Variants in ARHGEF15 observed in about 807,000 individuals in gnomAD.
ARHGEF15 encodes Rho guanine nucleotide exchange factor (GEF) 15.
ARHGEF15 carries 58 observed loss-of-function variants against 79.7 expected under a neutral mutation model. The observed-to-expected ratio is 0.73, with a 90% CI of 0.59 to 0.91. The LOEUF (loss-of-function observed/expected upper bound fraction) is 0.91. ARHGEF15 is among the 40% of genes least tolerant of loss of function. ARHGEF15 has a pLI of 0.00. For missense variants in ARHGEF15, 1,012 were observed against 1,108.1 expected, an observed-to-expected ratio of 0.91 and a Z score of 1.23; for synonymous variants, 442 against 456.0, an observed-to-expected ratio of 0.97 and a Z score of 0.39.
At chr17:8,310,479 G>C (rs1289710156) in intron 1 of ARHGEF15, 136 bp downstream of exon 1, 1 of 152,180 alleles carries the variant, frequency 6.6e-6, no homozygotes, top group Admixed American at 6.6e-5. Context: ...GGTGAGACTC[G>C]CCGTGGAGGG....
chr17:8,312,935 C>T lies in ARHGEF15; in HGVS notation c.615C>T (p.Ala205=), dbSNP rs748809451. The stretch of plus-strand genomic sequence containing the variant: ...TGTCTCCCACAGATGCTGGCCTGGC[C>T]TGCCCTCCCTGCTGCCCCTGTGTCT... ...QENGAPDAGL[A]CPPCCPCVCH... is the part of the protein sequence containing the mutation. Residue 205 remains alanine, a synonymous_variant, in exon 3 of 16, where the codon GCC becomes GCT. Transcript: ENST00000361926. 1 of 1,577,938 alleles carries T rather than the reference C, an allele frequency of 6.3e-7. No homozygotes were observed. The highest frequency in any genetic ancestry group is 1.2e-5 in the South Asian group (1 of 84,244).
At position 8,319,606 on chromosome 17, in the gene ARHGEF15, G is replaced by A. The variant is rs970612446; in HGVS notation, c.2374+3G>A. Reference sequence around the variant, plus strand: ...ACACCTGCACAAGACCCCTGAAGGTGAGAAAGTCTTTCATTTATTTATTTT... The same window carrying A: ...ACACCTGCACAAGACCCCTGAAGGTAAGAAAGTCTTTCATTTATTTATTTT... On this transcript the variant is annotated splice_donor_region_variant and intron_variant, in intron 15 of 15. Coordinates refer to ENST00000361926, the MANE Select transcript of ARHGEF15 (RefSeq NM_173728.4). 24 of 1,551,088 alleles carry A rather than the reference G, an allele frequency of 1.5e-5. No individual in the cohort carries two copies. Among genetic ancestry groups the A allele is most frequent in the East Asian group, 2.3e-5 (1 of 43,674 alleles).
At position 8,319,541 on chromosome 17, in the gene ARHGEF15, A is replaced by G; in HGVS notation, c.2312A>G (p.Lys771Arg). Residue 771 changes from lysine to arginine, a missense_variant, in exon 15 of 16, where the codon AAG becomes AGG. By Grantham distance (26) the Lys-to-Arg change is conservative. Around this residue, in one of 3 missense-constraint regions of ARHGEF15, gnomAD observed 132 missense variants for 124.2 expected, o/e 1.06. Transcript: ENST00000361926. ...TGTTCAGAGTCGTCTGCACCTGCCA[A>G]GACTGAAGGACGGAGTCTGGAGTCC... The part of the protein sequence containing the change: ...ELCSESSAPA[K>R]TEGRSLESRA... 6.2e-7 allele frequency: 1 copy of G among 1,611,730 alleles called. No individual in the cohort carries two copies. Among genetic ancestry groups the G allele is most frequent in the Non-Finnish European group, 8.5e-7 (1 of 1,179,188 alleles).
rs200425815 is a variant in ARHGEF15 at position 8,320,906 on chromosome 17, C to G, written c.2439C>G (p.His813Gln). ...AQLVCEVTGE[H>Q]ERRRHLRQNQ... ...TGGTGTGTGAAGTCACAGGGGAACA[C>G]GAAAGGAGGAGGCACCTTCGCCAGA... The change falls in exon 16 of 16, where the codon CAC (histidine) becomes CAG (glutamine). Residue 813 changes from histidine (H) to glutamine (Q), a missense_variant. By Grantham distance (24) the His-to-Gln change is conservative. Around this residue, in one of 3 missense-constraint regions of ARHGEF15, gnomAD observed 132 missense variants for 124.2 expected, o/e 1.06. Coordinates refer to ENST00000361926, the MANE Select transcript of ARHGEF15 (RefSeq NM_173728.4). The G allele has an allele frequency of 2.2e-4, 348 of 1,613,834 alleles. 1 individual carries two copies. Among genetic ancestry groups the G allele is most frequent in the Non-Finnish European group, 2.6e-4 (310 of 1,180,026 alleles).
At chr17:8,313,308 A>G (rs1338250998) in intron 3 of ARHGEF15, 54 bp downstream of exon 3, 3 of 1,563,622 alleles carry the variant, frequency 1.9e-6, no homozygotes, top group Admixed American at 1.8e-5. Flanking sequence ...GGAGAGAGGC[A>G]GGGGGGAACT....
rs536584800 is a variant in ARHGEF15 at position 8,319,275 on chromosome 17, T to G, written c.2187-37T>G. ...TCCTGCCTCAGCCCCAGAGGATCTTTTGGGCCAACTGTGACACTTCCCAAT... is the reference window on the plus strand; with the variant it reads ...TCCTGCCTCAGCCCCAGAGGATCTTGTGGGCCAACTGTGACACTTCCCAAT... On this transcript the variant is annotated intron_variant, in intron 13 of 15. Transcript: ENST00000361926. 9.9e-6 allele frequency: 16 copies of G among 1,610,396 alleles called. No homozygotes were observed. The South Asian group carries it at 1.7e-4, about 17-fold the overall frequency.
At chr17:8,313,283 G>C in intron 3 of ARHGEF15, 29 bp downstream of exon 3, 4 of 1,592,594 alleles carry the variant, frequency 2.5e-6, no homozygotes, top group Non-Finnish European at 3.4e-6. Flanking sequence ...TGGACCTCTG[G>C]GCTGTGAGGG....
intron 2 of ARHGEF15, 97 bp downstream of exon 2, chr17:8,312,737 G>A (rs1282969597): frequency 6.9e-6 from 11 of 1,600,078 alleles, no homozygotes; most frequent in Non-Finnish European, 9.3e-6. Context: ...TTTCAAAAAT[G>A]GAGTTAATGT....
At position 8,313,164 on chromosome 17, in the gene ARHGEF15, A is replaced by C. The variant is rs780911424; in HGVS notation, c.844A>C (p.Lys282Gln). 1.2e-6 allele frequency: 2 copies of C among 1,608,528 alleles called. No individual in the cohort carries two copies. The highest frequency in any genetic ancestry group is 1.7e-5 in the Admixed American group (1 of 59,538). ...ACTCCTGCCACTCCTCAAGCCTCCC[A>C]AACCAACTCGTGTCAGGCAGGATGC... is the stretch of plus-strand genomic sequence containing the variant. ...RKLLPLLKPP[K>Q]PTRVRQDATI... Residue 282 changes from lysine to glutamine, a missense_variant, in exon 3 of 16, where the codon AAA (lysine) becomes CAA (glutamine). Coordinates refer to ENST00000361926, the MANE Select transcript of ARHGEF15 (RefSeq NM_173728.4).
At chr17:8,313,285 C>A (rs2151636790) in intron 3 of ARHGEF15, 31 bp downstream of exon 3, 1 of 1,591,676 alleles carries the variant, frequency 6.3e-7, no homozygotes, top group Non-Finnish European at 8.5e-7. Context: ...GACCTCTGGG[C>A]TGTGAGGGGA....
rs768630250 is a variant in ARHGEF15 at position 8,319,496 on chromosome 17, C to T, written c.2270-3C>T. The T allele has an allele frequency of 8.1e-6, 13 of 1,600,004 alleles. No homozygotes were observed. The South Asian group carries it at 1.2e-4, about 15-fold the overall frequency. ...CACTTTAATGTCACCCACCCCCAAC[C>T]AGACTGTTCCCAGGAACTGTGTTCA... is the stretch of plus-strand genomic sequence containing the variant. On this transcript the variant is annotated splice_region_variant and splice_polypyrimidine_tract_variant and intron_variant, in intron 14 of 15. Coordinates refer to ENST00000361926, the MANE Select transcript of ARHGEF15 (RefSeq NM_173728.4).
chr17:8,319,049 G>A lies in ARHGEF15; in HGVS notation c.2076G>A (p.Leu692=). The change falls in exon 13 of 16, where the codon CTG becomes CTA. Residue 692 remains leucine, a synonymous_variant. Coordinates refer to ENST00000361926, the MANE Select transcript of ARHGEF15 (RefSeq NM_173728.4). ...LQVLDYAHRS[L]VQAQQVPDPS... Reference sequence around the variant, plus strand: ...TTCTGGACTATGCCCATCGCTCCCTGGTCCAGGCCCAGCAGGTTCCGGATC... The same window carrying A: ...TTCTGGACTATGCCCATCGCTCCCTAGTCCAGGCCCAGCAGGTTCCGGATC... 1 of 1,613,964 alleles carries A rather than the reference G, an allele frequency of 6.2e-7. No homozygotes were observed.
At chr17:8,316,555 C>T (rs1905039696) in intron 9 of ARHGEF15, among the ~76,000 whole-genome samples, 1 of 152,224 alleles carries the variant, frequency 6.6e-6, no homozygotes, top group Non-Finnish European at 1.5e-5. Flanking sequence ...GTGGTATCAC[C>T]CCCAAGGGGG....
Position 8,312,943 on chromosome 17 carries a change from C to T in ARHGEF15, c.623C>T (p.Pro208Leu). Residue 208 changes from proline to leucine, a missense_variant, in exon 3 of 16, where the codon CCC becomes CTC. By Grantham distance (98) the Pro-to-Leu change is moderately conservative. Around this residue, in one of 3 missense-constraint regions of ARHGEF15, gnomAD observed 818 missense variants for 882.5 expected, o/e 0.93. Coordinates refer to ENST00000361926, the MANE Select transcript of ARHGEF15 (RefSeq NM_173728.4). ...GAPDAGLACP[P>L]CCPCVCHTTR... ...ACAGATGCTGGCCTGGCCTGCCCTC[C>T]CTGCTGCCCCTGTGTCTGCCACACC... 1 of 1,581,448 alleles carries T rather than the reference C, an allele frequency of 6.3e-7. No individual in the cohort carries two copies. Among genetic ancestry groups the T allele is most frequent in the Non-Finnish European group, 8.6e-7 (1 of 1,163,650 alleles).
rs374803461 is a variant in ARHGEF15 at position 8,314,980 on chromosome 17, C to T, written c.1048+16C>T. ...CTGCAGGATGGTGAGGGCCTCTGGA[C>T]CTGAGGGTCCCTGCTGTGACCATCA... On this transcript the variant is annotated intron_variant, in intron 5 of 15. Transcript: ENST00000361926. 6.2e-7 allele frequency: 1 copy of T among 1,613,964 alleles called. No homozygotes were observed. The highest frequency in any genetic ancestry group is 8.5e-7 in the Non-Finnish European group (1 of 1,179,934).
rs373075541 is a variant in ARHGEF15 at position 8,318,354 on chromosome 17, G to A, written c.1705-33G>A. On this transcript the variant is annotated intron_variant, in intron 9 of 15. Transcript: ENST00000361926. The surrounding 1 kb of genome is among the most constrained non-coding windows in gnomAD (Gnocchi z 5.0). ...CTCTGAATCCCAGGGCCACAGAGCA[G>A]GGGGCCCAGTCACCCTTCCTCCTTG... 1.6e-4 allele frequency: 249 copies of A among 1,601,570 alleles called. No homozygotes were observed. Among genetic ancestry groups the A allele is most frequent in the Non-Finnish European group, 2.0e-4 (239 of 1,171,582 alleles).
At position 8,313,004 on chromosome 17, in the gene ARHGEF15, G is replaced by A. The variant is rs1248118539; in HGVS notation, c.684G>A (p.Val228=). The change falls in exon 3 of 16, where the codon GTG becomes GTA. Residue 228 remains valine (V), a synonymous_variant. Coordinates refer to ENST00000361926, the MANE Select transcript of ARHGEF15 (RefSeq NM_173728.4). ...GCCTGGAGCTCAGATGGGTGCCTGT[G>A]GGGGGCTATGAGGAGGTCCCCAGGG... ...RPGLELRWVP[V]GGYEEVPRVP... 6.2e-7 allele frequency: 1 copy of A among 1,611,210 alleles called. No individual in the cohort carries two copies. Among genetic ancestry groups the A allele is most frequent in the African/African-American group, 1.3e-5 (1 of 74,896 alleles).
intron 1 of ARHGEF15, chr17:8,310,994 T>G (rs891439580): frequency 5.9e-5 from 9 of 152,204 alleles, no homozygotes; most frequent in African/African-American, 1.9e-4. Flanking sequence ...TGGTCAAGAC[T>G]ACCGTGTGGG....
In ARHGEF15 at chr17:8,315,993, G is replaced by C; in HGVS notation, c.1575-26G>C. 6.3e-7 allele frequency: 1 copy of C among 1,598,754 alleles called. No homozygotes were observed. Among genetic ancestry groups the C allele is most frequent in the Non-Finnish European group, 8.5e-7 (1 of 1,177,554 alleles). On this transcript the variant is annotated intron_variant, in intron 8 of 15. Coordinates refer to ENST00000361926, the MANE Select transcript of ARHGEF15 (RefSeq NM_173728.4). This position sits in a 1 kb window ranked among gnomAD's most constrained non-coding sequence, Gnocchi z 4.3. ...GTTGGGGCACCAGGGCCTCCAGGCA[G>C]CCGCTAGCCATGCCTGCTTCTGCAG...
Sources: allele counts gnomAD v4.1 joint callset (sites outside exome capture counted in the v4.1 genomes callset), GRCh38; gene constraint gnomAD v4.1.1; regional missense constraint gnomAD v4.1.1; non-coding constraint Gnocchi (gnomAD v3.1); transcripts MANE v1.5; gene names NCBI Gene and HGNC (gene_info 2026-07-23, HGNC 2026-07-21).